KCNQ1: variants seen among roughly 807,000 people sequenced by gnomAD.
KCNQ1 encodes the protein potassium voltage-gated channel subfamily Q member 1.
A neutral mutation model predicts 72.4 loss-of-function variants in KCNQ1; 49 were observed. The ratio of observed to expected loss-of-function variants is 0.68; its 90% confidence interval spans 0.54 to 0.86. The LOEUF is 0.86. Ranked by LOEUF, KCNQ1 falls within the 40% of genes least tolerant of loss-of-function variation. KCNQ1 has a pLI of 0.00. For missense variants in KCNQ1, 790 were observed against 945.1 expected (o/e 0.84, Z 2.15); for synonymous variants, 450 against 412.6 (o/e 1.09, Z -1.10).
At chr11:2,802,997 A>C (rs567306337) in intron 15 of KCNQ1, among the ~76,000 whole-genome samples, 2 of 152,326 alleles carry the variant, frequency 1.3e-5, no homozygotes, top group South Asian at 4.1e-4. Flanking sequence ...CCACTTCGCC[A>C]CCCAGAGGAG....
chr11:2,453,102 G>A (rs1419469615), intron 1 of KCNQ1, among the ~76,000 whole-genome samples: 3 of 152,222 alleles, frequency 2.0e-5, no homozygotes, highest in Non-Finnish European at 2.9e-5. Context: ...GGCTGGGTGC[G>A]GTGGCTCACG....
chr11:2,619,566 C>T (rs1017580266), intron 10 of KCNQ1: 5 of 398,356 alleles, frequency 1.3e-5, no homozygotes, highest in African/African-American at 1.0e-4. Flanking sequence ...ATTTAGTCTG[C>T]CAATATTTTA....
At chr11:2,511,251 G>C (rs2133615818) in intron 1 of KCNQ1, among the ~76,000 whole-genome samples, 1 of 152,272 alleles carries the variant, frequency 6.6e-6, no homozygotes, top group African/African-American at 2.4e-5. Context: ...GGTGGGGAAG[G>C]GGGCAGCCCC....
At chr11:2,791,933 G>A (rs1053834840) in intron 15 of KCNQ1, among the ~76,000 whole-genome samples, 3 of 152,242 alleles carry the variant, frequency 2.0e-5, no homozygotes, top group Non-Finnish European at 4.4e-5. Flanking sequence ...TGTTTACTTT[G>A]CCGCGCGAAC....
Position 2,781,813 on chromosome 11 carries a change from CAG to C in KCNQ1, c.1794+3777_1794+3778del, listed in dbSNP as rs894554415. Reference sequence around the variant, plus strand: ...AATGTTCATGGCTGAGAGCCGGACACAGGGGAGTCCTGGGTTTCCATGCCGCA... The same window carrying C: ...AATGTTCATGGCTGAGAGCCGGACACGGGAGTCCTGGGTTTCCATGCCGCA... On this transcript the variant is annotated intron_variant, in intron 15 of 15. Coordinates refer to ENST00000155840, the MANE Select transcript of KCNQ1 (RefSeq NM_000218.3). The surrounding 1 kb of genome is among the most constrained non-coding windows in gnomAD (Gnocchi z 6.6). 2.3e-4 allele frequency among the ~76,000 whole-genome samples: 35 copies of C among 152,332 alleles called. No individual in the cohort carries two copies. The highest frequency in any genetic ancestry group is 4.1e-4 in the African/African-American group (17 of 41,570).
At chr11:2,605,088 C>A (rs1452433126) in intron 10 of KCNQ1, among the ~76,000 whole-genome samples, 1 of 152,134 alleles carries the variant, frequency 6.6e-6, no homozygotes, top group East Asian at 1.9e-4. Context: ...TATATGTCAA[C>A]CCTGAAGAAA....
chr11:2,814,042 T>G (rs567203061), intron 15 of KCNQ1, among the ~76,000 whole-genome samples: 34 of 111,286 alleles, frequency 3.1e-4, no homozygotes, highest in Middle Eastern at 0.017. Flanking sequence ...TGTGTGGGTA[T>G]GTGGATGGAG....
rs1211509332 is a variant in KCNQ1, at chr11:2,464,211, G to T, written c.386+18727G>T. 1.3e-5 allele frequency among the ~76,000 whole-genome samples: 2 copies of T among 152,192 alleles called. No homozygotes were observed. The highest frequency in any genetic ancestry group is 4.8e-5 in the African/African-American group (2 of 41,446). On this transcript the variant is annotated intron_variant, in intron 1 of 15. Transcript: ENST00000155840. The surrounding 1 kb of genome is among the most constrained non-coding windows in gnomAD (Gnocchi z 5.0). The stretch of plus-strand genomic sequence containing the variant: ...GCTCCCTGGGCCGGAACACATGGAC[G>T]TCCAGGTGTGGAATGGCCCGGACAG...
At chr11:2,738,023 A>C (rs1251177424) in intron 11 of KCNQ1, among the ~76,000 whole-genome samples, 3 of 152,040 alleles carry the variant, frequency 2.0e-5, no homozygotes, top group African/African-American at 7.2e-5. Flanking sequence ...TCAAGGGAGA[A>C]CCACACCCTC....
rs1847969616 is a variant in KCNQ1, at chr11:2,550,629, G to C, written c.478-19999G>C. On this transcript the variant is annotated intron_variant, in intron 2 of 15. Coordinates refer to ENST00000155840, the MANE Select transcript of KCNQ1 (RefSeq NM_000218.3). The surrounding 1 kb of genome is among the most constrained non-coding windows in gnomAD (Gnocchi z 6.0). ...GGAAGAGGGGGCGCCTCCCTGAGCA[G>C]GTGAATGAAGGGTGCTGGGGTGGCG... Among the ~76,000 whole-genome samples, 1 of 152,204 alleles carries C rather than the reference G, an allele frequency of 6.6e-6. No individual in the cohort carries two copies. The highest frequency in any genetic ancestry group is 6.5e-5 in the Admixed American group (1 of 15,284).
Position 2,559,378 on chromosome 11 carries a change from C to T in KCNQ1, c.478-11250C>T, listed in dbSNP as rs762568122. On this transcript the variant is annotated intron_variant, in intron 2 of 15. Coordinates refer to ENST00000155840, the MANE Select transcript of KCNQ1 (RefSeq NM_000218.3). This position sits in a 1 kb window ranked among gnomAD's most constrained non-coding sequence, Gnocchi z 4.9. ...AAAGCCCTGGATCTTGTTGACACCC[C>T]GGGATGTGCCCTTGTGGCTACTTAG... is the stretch of plus-strand genomic sequence containing the variant. 1.3e-5 allele frequency among the ~76,000 whole-genome samples: 2 copies of T among 152,176 alleles called. No homozygotes were observed. The highest frequency in any genetic ancestry group is 2.9e-5 in the Non-Finnish European group (2 of 68,022).
At chr11:2,521,665 T>C (rs1318825361) in intron 1 of KCNQ1, 1 of 402,400 alleles carries the variant, frequency 2.5e-6, no homozygotes, top group Non-Finnish European at 5.2e-6. Flanking sequence ...TGGCTCTCTT[T>C]AAGGTTCCTC....
intron 10 of KCNQ1, among the ~76,000 whole-genome samples, chr11:2,607,540 C>A (rs1848900716): frequency 6.6e-6 from 1 of 152,078 alleles, no homozygotes; most frequent in Admixed American, 6.5e-5. Flanking sequence ...CATATGAGGA[C>A]ACAAGAAGAC....
intron 11 of KCNQ1, chr11:2,684,003 G>A (rs575223125): frequency 3.8e-5 from 15 of 395,602 alleles, no homozygotes; most frequent in East Asian, 1.8e-4. Flanking sequence ...TGGCAACTCC[G>A]TCTCTCCTTA....
At chr11:2,797,172 G>A (rs74725295) in intron 15 of KCNQ1, among the ~76,000 whole-genome samples, 3 of 152,030 alleles carry the variant, frequency 2.0e-5, no homozygotes, top group South Asian at 2.1e-4. Context: ...GGGGGGTGGC[G>A]GGGGGGAGGC....
In KCNQ1 at chr11:2,550,743, G is replaced by A. The variant is rs1362131536; in HGVS notation, c.478-19885G>A. On this transcript the variant is annotated intron_variant, in intron 2 of 15. Coordinates refer to ENST00000155840, the MANE Select transcript of KCNQ1 (RefSeq NM_000218.3). The surrounding 1 kb of genome is among the most constrained non-coding windows in gnomAD (Gnocchi z 6.0). The stretch of plus-strand genomic sequence containing the variant: ...TCACAGGAAGGGCAGGGCAGCACCA[G>A]GCTCAGCCCAGGACCAGAGCGCAAA... Among the ~76,000 whole-genome samples, 1 of 152,180 alleles carries A rather than the reference G, an allele frequency of 6.6e-6. No homozygotes were observed. The highest frequency in any genetic ancestry group is 1.5e-5 in the Non-Finnish European group (1 of 68,030).
In KCNQ1 at chr11:2,617,874, T is replaced by C; in HGVS notation, c.1393+29020T>C. 2.5e-6 allele frequency: 1 copy of C among 398,598 alleles called. No homozygotes were observed. 24.7% of individuals were successfully genotyped at this position (398,598 alleles called of 1,614,324 possible). ...CTCAGTTCCACTGCCCATTTTTTAA[T>C]TGGGTTATCTATTTTCTTGTTATTG... On this transcript the variant is annotated intron_variant, in intron 10 of 15. Transcript: ENST00000155840. This position sits in a 1 kb window ranked among gnomAD's most constrained non-coding sequence, Gnocchi z 4.6.
rs1488819695 is a variant in KCNQ1, at chr11:2,601,592, C to A, written c.1393+12738C>A. On this transcript the variant is annotated intron_variant, in intron 10 of 15. Transcript: ENST00000155840. This position sits in a 1 kb window ranked among gnomAD's most constrained non-coding sequence, Gnocchi z 5.2. ...TTTCTCCCATCCCATCCCTCCAATC[C>A]CTGGTGACCACTCATCTGTTCTCTG... Among the ~76,000 whole-genome samples the A allele has an allele frequency of 6.6e-6, 1 of 152,146 alleles. No homozygotes were observed. Among genetic ancestry groups the A allele is most frequent in the Non-Finnish European group, 1.5e-5 (1 of 68,030 alleles).
At position 2,677,990 on chromosome 11, in the gene KCNQ1, GT is replaced by G. The variant is rs1310627685; in HGVS notation, c.1514+15914del. The G allele has an allele frequency of 1.3e-5, 5 of 394,148 alleles. No homozygotes were observed. Among genetic ancestry groups the G allele is most frequent in the African/African-American group, 4.3e-5 (2 of 46,596 alleles). 24.4% of individuals were successfully genotyped at this position (394,148 alleles called of 1,614,324 possible). A position where few individuals can be genotyped will look rare whatever the true frequency, so the allele number is the denominator to read the frequency against. ...TTACATTTCTTTTGTTGGAAATGAGGTTTTTATCTTTCCAAATGCTTAAAAT... is the reference window on the plus strand; with the variant it reads ...TTACATTTCTTTTGTTGGAAATGAGGTTTTATCTTTCCAAATGCTTAAAAT... On this transcript the variant is annotated intron_variant, in intron 11 of 15. Coordinates refer to ENST00000155840, the MANE Select transcript of KCNQ1 (RefSeq NM_000218.3). The surrounding 1 kb of genome is among the most constrained non-coding windows in gnomAD (Gnocchi z 4.5).
Sources: allele counts gnomAD v4.1 joint callset (sites outside exome capture counted in the v4.1 genomes callset), GRCh38; gene constraint gnomAD v4.1.1; non-coding constraint Gnocchi (gnomAD v3.1); transcripts MANE v1.5; gene names NCBI Gene and HGNC (gene_info 2026-07-23, HGNC 2026-07-21).